Variants in QTMAN observed in about 807,000 individuals in gnomAD.
QTMAN encodes queuosine-tRNA mannosyltransferase.
At chr2:144,318,401 T>A in the QTMAN span, among the ~76,000 whole-genome samples, 25 of 152,332 alleles carry the variant, frequency 1.6e-4, no homozygotes, top group African/African-American at 5.8e-4. Context: ...GAACATCCCT[T>A]TCATTCCAGA....
chr2:144,049,855 A>G, the QTMAN span, among the ~76,000 whole-genome samples: 4 of 152,190 alleles, frequency 2.6e-5, no homozygotes. Flanking sequence ...TAGTTTTACT[A>G]AGATAAATCT....
the QTMAN span, among the ~76,000 whole-genome samples, chr2:144,037,781 C>T: frequency 1.5e-4 from 23 of 152,120 alleles, no homozygotes; most frequent in Middle Eastern, 3.4e-3. Context: ...AAAAAGAAAA[C>T]GGACTCTGGA....
At chr2:143,971,976 G>A in the QTMAN span, among the ~76,000 whole-genome samples, 1 of 152,064 alleles carries the variant, frequency 6.6e-6, no homozygotes, top group Non-Finnish European at 1.5e-5. Flanking sequence ...ATAATCTTAT[G>A]AAATTGTAAT....
chr2:143,991,140 C>G, the QTMAN span, among the ~76,000 whole-genome samples: 1 of 151,826 alleles, frequency 6.6e-6, no homozygotes, highest in Non-Finnish European at 1.5e-5. Context: ...ATATCCAGAT[C>G]CAGATTCCAA....
the QTMAN span, among the ~76,000 whole-genome samples, chr2:144,155,540 T>C: frequency 6.6e-6 from 1 of 152,216 alleles, no homozygotes; most frequent in African/African-American, 2.4e-5. Flanking sequence ...TTGCCCTTTA[T>C]TTCATGCCAC....
At chr2:143,972,246 T>G in the QTMAN span, among the ~76,000 whole-genome samples, 3 of 152,166 alleles carry the variant, frequency 2.0e-5, no homozygotes, top group Non-Finnish European at 4.4e-5. Flanking sequence ...AGCTGCCACC[T>G]AATCTATACA....
the QTMAN span, among the ~76,000 whole-genome samples, chr2:144,161,518 T>A: frequency 3.3e-5 from 5 of 152,158 alleles, no homozygotes; most frequent in Admixed American, 2.6e-4. Context: ...ATAGGACCAG[T>A]TACATGTATG....
At chr2:144,325,516 G>GA in the QTMAN span, among the ~76,000 whole-genome samples, 326 of 142,678 alleles carry the variant, frequency 2.3e-3, 2 homozygotes, top group African/African-American at 7.4e-3. Flanking sequence ...AAGAAAAAAG[G>GA]AAAAAAAAAA....
the QTMAN span, among the ~76,000 whole-genome samples, chr2:144,095,598 A>G: frequency 1.3e-5 from 2 of 152,186 alleles, no homozygotes; most frequent in Admixed American, 6.5e-5. Flanking sequence ...CAGAAAAATT[A>G]GGTATAATAC....
At chr2:144,163,123 T>A in the QTMAN span, among the ~76,000 whole-genome samples, 1 of 152,052 alleles carries the variant, frequency 6.6e-6, no homozygotes, top group African/African-American at 2.4e-5. Flanking sequence ...AATTTAAAAC[T>A]TCCTAAAGTA....
the QTMAN span, among the ~76,000 whole-genome samples, chr2:144,231,661 T>G: frequency 5.3e-5 from 8 of 152,208 alleles, no homozygotes; most frequent in African/African-American, 1.9e-4. Context: ...CTGTGTGTAG[T>G]TAGAATAAAT....
chr2:144,037,389 T>C, the QTMAN span, among the ~76,000 whole-genome samples: 1 of 152,204 alleles, frequency 6.6e-6, no homozygotes, highest in Non-Finnish European at 1.5e-5. Context: ...ACTAAGAACA[T>C]GGATGAACTT....
At chr2:144,052,301 T>C in the QTMAN span, among the ~76,000 whole-genome samples, 1 of 152,226 alleles carries the variant, frequency 6.6e-6, no homozygotes, top group Non-Finnish European at 1.5e-5. Context: ...GGTTGTGCTA[T>C]GCAGGATGAA....
the QTMAN span, among the ~76,000 whole-genome samples, chr2:144,249,730 C>T: frequency 6.6e-6 from 1 of 151,976 alleles, no homozygotes; most frequent in African/African-American, 2.4e-5. Context: ...ATATGTAATC[C>T]AGATTTAAAT....
the QTMAN span, among the ~76,000 whole-genome samples, chr2:144,002,178 A>C: frequency 2.6e-5 from 4 of 151,954 alleles, no homozygotes; most frequent in African/African-American, 9.7e-5. Flanking sequence ...AGAAGCAGTA[A>C]AATTTATTAA....
the QTMAN span, among the ~76,000 whole-genome samples, chr2:144,107,818 T>C: frequency 2.6e-5 from 4 of 152,022 alleles, no homozygotes; most frequent in African/African-American, 9.7e-5. Context: ...GAATTTTAGG[T>C]CAATATCCCT....
the QTMAN span, among the ~76,000 whole-genome samples, chr2:144,084,070 G>A: frequency 2.0e-5 from 3 of 152,144 alleles, no homozygotes; most frequent in East Asian, 1.9e-4. Flanking sequence ...ATAGAGCAGC[G>A]GGAAATTGTG....
the QTMAN span, among the ~76,000 whole-genome samples, chr2:144,119,159 T>C: frequency 2.6e-5 from 4 of 152,180 alleles, no homozygotes; most frequent in Non-Finnish European, 5.9e-5. Context: ...TAATTCCTAA[T>C]TAATGCAGGA....
At chr2:144,090,935 G>T in the QTMAN span, among the ~76,000 whole-genome samples, 1 of 151,886 alleles carries the variant, frequency 6.6e-6, no homozygotes, top group Non-Finnish European at 1.5e-5. Flanking sequence ...CACACTACCT[G>T]CCTTCAAGAC....
Sources: gnomAD v4.1 joint callset for allele counts (sites outside exome capture counted in the v4.1 genomes callset) on GRCh38, gnomAD v4.1.1 for gene constraint, MANE v1.5 for transcripts, NCBI Gene and HGNC (gene_info 2026-07-23, HGNC 2026-07-21) for gene names.